Variants in PTPRN2 observed in about 807,000 individuals in gnomAD.
PTPRN2 encodes protein tyrosine phosphatase receptor type N2, also known as receptor-type tyrosine-protein phosphatase N2.
A neutral mutation model predicts 118.8 loss-of-function variants in PTPRN2; 74 were observed. The observed-to-expected ratio is 0.62, with a 90% CI of 0.52 to 0.76. The LOEUF is 0.76. PTPRN2 is among the 30% of genes least tolerant of loss of function. The pLI, the probability that PTPRN2 is intolerant of heterozygous loss-of-function variation, is 0.00. For missense variants in PTPRN2, 1,481 were observed against 1,394.4 expected (o/e 1.06, Z -0.99); for synonymous variants, 641 against 608.0 (o/e 1.05, Z -0.80).
Position 158,558,757 on chromosome 7 carries a change from T to TAA in PTPRN2, c.112+28799_112+28800dup, listed in dbSNP as rs769102456. ...CCTTCTGGATACATCAGTGCTAGAC[T>TAA]AAAAAAAAAAAAAAAAAAAAAAAAG... On this transcript the variant is annotated intron_variant, in intron 1 of 22. Coordinates refer to ENST00000389418, the MANE Select transcript of PTPRN2 (RefSeq NM_002847.5). Among the ~76,000 whole-genome samples the TAA allele has an allele frequency of 3.7e-3, 222 of 59,768 alleles. 4 individuals carry two copies. The highest frequency in any genetic ancestry group is 9.1e-3 in the African/African-American group (149 of 16,436). 39.2% of individuals were successfully genotyped at this position (59,768 alleles called of 152,430 possible).
chr7:158,245,200 T>TGGAATCCACGGTCATGCC (rs1796152618), intron 3 of PTPRN2, among the ~76,000 whole-genome samples: 1 of 70,944 alleles, frequency 1.4e-5, no homozygotes, highest in Non-Finnish European at 3.0e-5. Flanking sequence ...GTGGTCATGC[T>TGGAATCCACGGTCATGCC]GGAATCCACG....
chr7:157,886,518 T>G (rs1796453911), intron 12 of PTPRN2, among the ~76,000 whole-genome samples: 1 of 152,054 alleles, frequency 6.6e-6, no homozygotes, highest in African/African-American at 2.4e-5. Context: ...CTCTCCTGCC[T>G]TTAAGTCACA....
intron 11 of PTPRN2, among the ~76,000 whole-genome samples, chr7:158,042,446 G>A (rs529261265): frequency 7.6e-4 from 115 of 152,304 alleles, no homozygotes; most frequent in Non-Finnish European, 1.2e-3. Flanking sequence ...CTGCAGCACA[G>A]GGTAATGCAC....
intron 12 of PTPRN2, among the ~76,000 whole-genome samples, chr7:157,775,146 C>A (rs1018866712): frequency 1.3e-5 from 2 of 152,208 alleles, no homozygotes; most frequent in African/African-American, 4.8e-5. Context: ...ACGCCTCACT[C>A]CGTCACGGCA....
Position 158,438,246 on chromosome 7 carries a change from T to C in PTPRN2, c.163+51489A>G, listed in dbSNP as rs148846550. On this transcript the variant is annotated intron_variant, in intron 2 of 22. Transcript: ENST00000389418. This position sits in a 1 kb window ranked among gnomAD's most constrained non-coding sequence, Gnocchi z 4.7. ...TACAAAAATTAGCCAGGCGTGGTGG[T>C]GCATGCCTGTAATCCCAGCTACTGG... 0.032 allele frequency among the ~76,000 whole-genome samples: 4,804 copies of C among 152,042 alleles called. 258 individuals are homozygous for C. Among genetic ancestry groups the C allele is most frequent in the African/African-American group, 0.11 (4,540 of 41,456 alleles).
rs1395759433 is a variant in PTPRN2, at chr7:158,546,675, G to A, written c.112+40883C>T. Among the ~76,000 whole-genome samples, 1 of 152,196 alleles carries A rather than the reference G, an allele frequency of 6.6e-6. No individual in the cohort carries two copies. Among genetic ancestry groups the A allele is most frequent in the Non-Finnish European group, 1.5e-5 (1 of 68,024 alleles). On this transcript the variant is annotated intron_variant, in intron 1 of 22. Transcript: ENST00000389418. This position sits in a 1 kb window ranked among gnomAD's most constrained non-coding sequence, Gnocchi z 5.0. ...AGGTGGGTGACTACAGAGGTGCTCT[G>A]AGGGTCTTAGGCAGAGCTGGCCATG... is the stretch of plus-strand genomic sequence containing the variant.
In PTPRN2 at chr7:157,780,444, T is replaced by C. The variant is rs190895993; in HGVS notation, c.1789-97507A>G. On this transcript the variant is annotated intron_variant, in intron 12 of 22. Coordinates refer to ENST00000389418, the MANE Select transcript of PTPRN2 (RefSeq NM_002847.5). The surrounding 1 kb of genome is among the most constrained non-coding windows in gnomAD (Gnocchi z 4.5). Reference sequence around the variant, plus strand: ...GGAGGCTTGGCTGGCGGAGGGGCCGTGCTGCTGGATCAGATGGCGGAACAC... The same window carrying C: ...GGAGGCTTGGCTGGCGGAGGGGCCGCGCTGCTGGATCAGATGGCGGAACAC... Among the ~76,000 whole-genome samples the C allele has an allele frequency of 2.3e-3, 345 of 152,294 alleles. 1 individual carries two copies. The highest frequency in any genetic ancestry group is 7.7e-3 in the African/African-American group (322 of 41,568).
intron 1 of PTPRN2, among the ~76,000 whole-genome samples, chr7:158,566,697 G>A (rs1273371215): frequency 2.0e-5 from 3 of 152,038 alleles, no homozygotes; most frequent in African/African-American, 7.3e-5. Flanking sequence ...GATTGTTAAA[G>A]TGGGGTTTTT....
chr7:158,337,419 A>C (rs1327389628), intron 2 of PTPRN2, among the ~76,000 whole-genome samples: 10 of 137,170 alleles, frequency 7.3e-5, no homozygotes, highest in African/African-American at 2.8e-4. Context: ...TCACACCCAC[A>C]CTCTCACCAT....
intron 11 of PTPRN2, among the ~76,000 whole-genome samples, chr7:158,040,565 G>A (rs1257135101): frequency 6.6e-6 from 1 of 152,180 alleles, no homozygotes. Flanking sequence ...TTAGGAAGAA[G>A]CGAGTAGAGA....
In PTPRN2 at chr7:157,690,971, A is replaced by C. The variant is rs1797455486; in HGVS notation, c.1789-8034T>G. On this transcript the variant is annotated intron_variant, in intron 12 of 22. Transcript: ENST00000389418. The surrounding 1 kb of genome is among the most constrained non-coding windows in gnomAD (Gnocchi z 7.1). ...GCCGGCCGCGCGCGTAGCACCAACC[A>C]GCGCGGCCGCCGCGCCCCGCCTTAT... Among the ~76,000 whole-genome samples, 2 of 141,502 alleles carry C rather than the reference A, an allele frequency of 1.4e-5. No individual in the cohort carries two copies. Among genetic ancestry groups the C allele is most frequent in the East Asian group, 2.2e-4 (1 of 4,496 alleles). 92.8% of individuals were successfully genotyped at this position (141,502 alleles called of 152,430 possible). A position where few individuals can be genotyped will look rare whatever the true frequency, so the allele number is the denominator to read the frequency against.
chr7:158,422,373 G>C (rs1815325061), intron 2 of PTPRN2, among the ~76,000 whole-genome samples: 1 of 152,168 alleles, frequency 6.6e-6, no homozygotes, highest in Non-Finnish European at 1.5e-5. Context: ...CCCCATCAAT[G>C]GCAGCTTCCA....
chr7:158,017,042 T>C (rs566159349), intron 11 of PTPRN2, among the ~76,000 whole-genome samples: 1 of 152,306 alleles, frequency 6.6e-6, no homozygotes, highest in African/African-American at 2.4e-5. Context: ...AGTGTGCCTA[T>C]GTGGGAAGCA....
At chr7:158,385,130 C>T (rs1299581569) in intron 2 of PTPRN2, among the ~76,000 whole-genome samples, 1 of 152,188 alleles carries the variant, frequency 6.6e-6, no homozygotes, top group African/African-American at 2.4e-5. Flanking sequence ...ATAATAAATA[C>T]GAAACCATTT....
chr7:157,882,901 T>C (rs1796228197), intron 12 of PTPRN2, among the ~76,000 whole-genome samples: 1 of 149,418 alleles, frequency 6.7e-6, no homozygotes, highest in Admixed American at 6.6e-5. Flanking sequence ...AAAATGATTG[T>C]TGGAGATCAG....
chr7:157,542,494 C>T (rs897866830), intron 22 of PTPRN2, among the ~76,000 whole-genome samples: 3 of 150,946 alleles, frequency 2.0e-5, no homozygotes, highest in Admixed American at 1.3e-4. Context: ...GGCTGGAAAG[C>T]GCTCCACCCC....
At chr7:158,395,943 C>CT (rs1812454714) in intron 2 of PTPRN2, among the ~76,000 whole-genome samples, 1 of 152,048 alleles carries the variant, frequency 6.6e-6, no homozygotes, top group Admixed American at 6.5e-5. Context: ...AGACTTCCCT[C>CT]TGCCCCCTGG....
At chr7:158,050,855 C>T (rs557625819) in intron 11 of PTPRN2, among the ~76,000 whole-genome samples, 4 of 152,376 alleles carry the variant, frequency 2.6e-5, no homozygotes, top group Middle Eastern at 3.4e-3. Flanking sequence ...AGCTCAGAGG[C>T]CTCAGCAGCC....
At chr7:158,514,069 G>A (rs1337950082) in intron 1 of PTPRN2, among the ~76,000 whole-genome samples, 1 of 152,168 alleles carries the variant, frequency 6.6e-6, no homozygotes, top group Non-Finnish European at 1.5e-5. Context: ...AACACCACGG[G>A]CATCAAATGA....
Sources: gnomAD v4.1 joint callset for allele counts (sites outside exome capture counted in the v4.1 genomes callset) on GRCh38, gnomAD v4.1.1 for gene constraint, Gnocchi (gnomAD v3.1) non-coding constraint, MANE v1.5 for transcripts, NCBI Gene and HGNC (gene_info 2026-07-23, HGNC 2026-07-21) for gene names.